Variants in CCHCR1 observed in about 807,000 individuals in gnomAD.
CCHCR1 encodes the protein HCR (a-helix coiled-coil rod homologue).
In CCHCR1, 91 loss-of-function variants were observed where a neutral mutation model predicts 114.6. The ratio of observed to expected loss-of-function variants is 0.79; its 90% CI spans 0.67 to 0.94. CCHCR1 has a LOEUF of 0.94. CCHCR1 is among the 40% of genes least tolerant of loss of function. The probability of loss-of-function intolerance (pLI) is 0.00; values close to 1 mark genes in which losing one functional copy is unlikely to be tolerated. For missense variants in CCHCR1, 899 were observed against 1,079.9 expected (o/e 0.83, Z 2.35); for synonymous variants, 379 against 428.5 (o/e 0.88, Z 1.43).
In CCHCR1 at chr6:31,144,790, T is replaced by G. The variant is rs1008075692; in HGVS notation, c.2066-2A>C. 6.2e-7 allele frequency: 1 copy of G among 1,613,694 alleles called. No individual in the cohort carries two copies. The highest frequency in any genetic ancestry group is 8.5e-7 in the Non-Finnish European group (1 of 1,179,808). ...CTTCAGCCACCTTTTCTTGCAGGGCTGGGGTGAAAGTGCAGACGGGGCATA... is the reference window on the plus strand; with the variant it reads ...CTTCAGCCACCTTTTCTTGCAGGGCGGGGGTGAAAGTGCAGACGGGGCATA... On this transcript the variant is annotated splice_acceptor_variant, in intron 14 of 17. Coordinates refer to ENST00000396268, the MANE Select transcript of CCHCR1 (RefSeq NM_001105564.2). LOFTEE classifies it high-confidence loss of function. The surrounding 1 kb of genome is among the most constrained non-coding windows in gnomAD (Gnocchi z 4.6).
Position 31,145,625 on chromosome 6 carries a change from C to T in CCHCR1, c.1693+71G>A, listed in dbSNP as rs562445737. On this transcript the variant is annotated intron_variant, in intron 11 of 17. Transcript: ENST00000396268. Reference sequence around the variant, plus strand: ...TGAATGGATGTGGGATCAGAGAGAGCTGGGTCAGGAAGAAGAAAGTCCGAG... The same window carrying T: ...TGAATGGATGTGGGATCAGAGAGAGTTGGGTCAGGAAGAAGAAAGTCCGAG... The T allele has an allele frequency of 1.7e-5, 24 of 1,445,452 alleles. No individual in the cohort carries two copies. The South Asian group carries it at 2.4e-4, about 14-fold the overall frequency. The allele number at this position is 1,445,452 out of a possible 1,614,324, so 89.5% of individuals were successfully genotyped here.
In CCHCR1 at chr6:31,145,168, T is replaced by C. The variant is rs1334770876; in HGVS notation, c.1874A>G (p.Gln625Arg). 2.5e-6 allele frequency: 4 copies of C among 1,612,314 alleles called. No homozygotes were observed. The African/African-American group carries it at 5.3e-5, about 22-fold the overall frequency. ...IQQEVGRARE[Q>R]GEAERQQLSK... The stretch of plus-strand genomic sequence containing the variant: ...CACCCCCTGGCAACCAGGTGTACCT[T>C]GCTCCCGAGCCCGGCCCACCTCCTG... Residue 625 changes from glutamine to arginine, a missense_variant and splice_region_variant, in exon 13 of 18, where the codon CAA becomes CGA. By Grantham distance (43) the Gln-to-Arg change is conservative (BLOSUM62 1). Coordinates refer to ENST00000396268, the MANE Select transcript of CCHCR1 (RefSeq NM_001105564.2).
rs1040556649 is a variant in CCHCR1, at chr6:31,143,546, T to A, written c.2168-133A>T. ...GAGGCTGTTCTGCTCTGTGGATCTG[T>A]CTCTTCTGTACAGTTGGAGGGGTGG... On this transcript the variant is annotated intron_variant, in intron 15 of 17. Transcript: ENST00000396268. The surrounding 1 kb of genome is among the most constrained non-coding windows in gnomAD (Gnocchi z 5.3). 1.1e-6 allele frequency: 1 copy of A among 916,560 alleles called. No homozygotes were observed. Among genetic ancestry groups the A allele is most frequent in the South Asian group, 1.7e-5 (1 of 59,296 alleles). 56.8% of individuals were successfully genotyped at this position (916,560 alleles called of 1,614,324 possible).
Position 31,145,032 on chromosome 6 carries a change from G to A in CCHCR1, c.1918C>T (p.Leu640=), listed in dbSNP as rs1774110700. The A allele has an allele frequency of 6.2e-7, 1 of 1,604,300 alleles. No individual in the cohort carries two copies. The highest frequency in any genetic ancestry group is 1.7e-5 in the Admixed American group (1 of 59,918). Residue 640 remains leucine, a synonymous_variant, in exon 14 of 18, where the codon CTG becomes TTG. Transcript: ENST00000396268. ...RQQLSKVAQQ[L]EQELQQTQES... is the part of the protein sequence containing the mutation. ...TGGGTCTGCTGCAGCTCCTGCTCCA[G>A]CTGCTGGGCCACCTTGCTCAGCTGC...
intron 8 of CCHCR1, among the ~76,000 whole-genome samples, chr6:31,149,830 AG>A (rs1266329158): frequency 2.0e-5 from 3 of 152,158 alleles, no homozygotes; most frequent in Non-Finnish European, 4.4e-5. Context: ...TATAGGTGTG[AG>A]CCACTGCACC....
intron 3 of CCHCR1, among the ~76,000 whole-genome samples, chr6:31,155,387 G>C (rs1054798454): frequency 6.6e-6 from 1 of 151,946 alleles, no homozygotes; most frequent in Non-Finnish European, 1.5e-5. Flanking sequence ...GGCGGATCAC[G>C]AGGTCAGGAG....
rs1198585479 is a variant in CCHCR1, at chr6:31,150,578, G to A, written c.1102-13C>T. The stretch of plus-strand genomic sequence containing the variant: ...CCTCCTGCAAGTGCTGCGGGCAGAG[G>A]AAAGCAGCCCCTCTGTAGGGCCTCC... On this transcript the variant is annotated splice_polypyrimidine_tract_variant and intron_variant, in intron 6 of 17. Coordinates refer to ENST00000396268, the MANE Select transcript of CCHCR1 (RefSeq NM_001105564.2). The surrounding 1 kb of genome is among the most constrained non-coding windows in gnomAD (Gnocchi z 5.3). The A allele has an allele frequency of 1.2e-6, 2 of 1,608,172 alleles. No individual in the cohort carries two copies. Among genetic ancestry groups the A allele is most frequent in the Non-Finnish European group, 1.7e-6 (2 of 1,177,716 alleles).
intron 17 of CCHCR1, 54 bp downstream of exon 17, chr6:31,142,909 A>G: frequency 6.4e-7 from 1 of 1,565,670 alleles, no homozygotes; most frequent in South Asian, 1.1e-5. Context: ...TCTGAAGAGG[A>G]GATTCCTGAA....
In CCHCR1 at chr6:31,144,682, C is replaced by A; in HGVS notation, c.2167+5G>T. ...GAAGGCCCTATCCACCCTGGCAAGG[C>A]TCACCGGCCTTGGCATGCTCCCTCC... On this transcript the variant is annotated splice_donor_5th_base_variant and intron_variant, in intron 15 of 17. Transcript: ENST00000396268. This position sits in a 1 kb window ranked among gnomAD's most constrained non-coding sequence, Gnocchi z 4.6. 6.3e-7 allele frequency: 1 copy of A among 1,595,776 alleles called. No homozygotes were observed. Among genetic ancestry groups the A allele is most frequent in the South Asian group, 1.1e-5 (1 of 89,968 alleles).
At chr6:31,157,973 T>G (rs925362623), upstream of CCHCR1, 1 of 306,078 alleles carries the variant, frequency 3.3e-6, no homozygotes, top group Non-Finnish European at 6.3e-6. Context: ...CCGGCTCTAC[T>G]CTCCCACCAC....
rs1773975241 is a variant in CCHCR1 at position 31,144,251 on chromosome 6, T to A, written c.2167+436A>T. Among the ~76,000 whole-genome samples, 1 of 152,180 alleles carries A rather than the reference T, an allele frequency of 6.6e-6. No homozygotes were observed. Among genetic ancestry groups the A allele is most frequent in the Admixed American group, 6.5e-5 (1 of 15,276 alleles). On this transcript the variant is annotated intron_variant, in intron 15 of 17. Transcript: ENST00000396268. The surrounding 1 kb of genome is among the most constrained non-coding windows in gnomAD (Gnocchi z 4.6). ...CTCTATCACCCAGGCTTGAGTGCAG[T>A]GGCACAATCTTGGCTCACTGCAGCC... is the stretch of plus-strand genomic sequence containing the variant.
chr6:31,157,090 C>T lies in CCHCR1; in HGVS notation c.217-1G>A. 6.2e-7 allele frequency: 1 copy of T among 1,609,638 alleles called. No homozygotes were observed. Among genetic ancestry groups the T allele is most frequent in the Non-Finnish European group, 8.5e-7 (1 of 1,177,698 alleles). ...TCTGTCTCCAGCCATCTATGTTCCCCTGGACAAGAGGAGAAACAAAGACAC... is the reference window on the plus strand; with the variant it reads ...TCTGTCTCCAGCCATCTATGTTCCCTTGGACAAGAGGAGAAACAAAGACAC... On this transcript the variant is annotated splice_acceptor_variant, in intron 1 of 17. Coordinates refer to ENST00000396268, the MANE Select transcript of CCHCR1 (RefSeq NM_001105564.2). LOFTEE classifies it high-confidence loss of function.
Position 31,144,341 on chromosome 6 carries a change from CCCA to C in CCHCR1, c.2167+343_2167+345del, listed in dbSNP as rs1357797235. Among the ~76,000 whole-genome samples, 1 of 152,056 alleles carries C rather than the reference CCCA, an allele frequency of 6.6e-6. No individual in the cohort carries two copies. Among genetic ancestry groups the C allele is most frequent in the Non-Finnish European group, 1.5e-5 (1 of 68,020 alleles). On this transcript the variant is annotated intron_variant, in intron 15 of 17. Transcript: ENST00000396268. The surrounding 1 kb of genome is among the most constrained non-coding windows in gnomAD (Gnocchi z 4.6). ...CACAAGTAAGCTTGGGGTACAGGTGCCCACCACCAGGCCTAGCTAATTTTTGTA... is the reference window on the plus strand; with the variant it reads ...CACAAGTAAGCTTGGGGTACAGGTGCCCACCAGGCCTAGCTAATTTTTGTA...
chr6:31,147,417 A>AT (rs1774508768), intron 10 of CCHCR1, among the ~76,000 whole-genome samples: 1 of 135,944 alleles, frequency 7.4e-6, no homozygotes, highest in African/African-American at 2.7e-5. Context: ...AAAAAAAAAA[A>AT]AAAAAGAACT....
Position 31,143,369 on chromosome 6 carries a change from C to A in CCHCR1, c.2212G>T (p.Glu738Ter), listed in dbSNP as rs1773832337. The A allele has an allele frequency of 6.2e-7, 1 of 1,612,872 alleles. No homozygotes were observed. The change falls in exon 16 of 18, where the codon GAG (glutamate) becomes TAG (stop). Residue 738 changes from glutamate (E) to a stop codon, truncating the protein, a stop_gained. Transcript: ENST00000396268. LOFTEE classifies it high-confidence loss of function. The surrounding 1 kb of genome is among the most constrained non-coding windows in gnomAD (Gnocchi z 5.3). ...AGACGCCTGAGTTCCTGGCTCCGCT[C>A]CTTTTCCTGGGCGGCTCTGCGCTGA... ...QIQRRAAQEKERSQELRRLQE... is the reference protein window; with the variant it reads ...QIQRRAAQEK
At chr6:31,145,393 G>T in intron 12 of CCHCR1, 55 bp downstream of exon 12, 2 of 1,612,576 alleles carry the variant, frequency 1.2e-6, no homozygotes, top group Non-Finnish European at 1.7e-6. Context: ...GGTTTTGGGG[G>T]TCCCAGCAGC....
rs767959194 is a variant in CCHCR1 at position 31,145,735 on chromosome 6, G to A, written c.1654C>T (p.Arg552Ter). 1.5e-5 allele frequency: 24 copies of A among 1,613,504 alleles called. No homozygotes were observed. Among genetic ancestry groups the A allele is most frequent in the East Asian group, 6.7e-5 (3 of 44,880 alleles). ...AAAQLPSLNN[R>*]LSYAVRKVHT... ...ACCTTGCGGACAGCATAGCTGAGTC[G>A]GTTGTTGAGGCTGGGAAGCTGGGCG... The change falls in exon 11 of 18, where the codon CGA (arginine) becomes TGA (stop). Residue 552 changes from arginine (R) to a stop codon, truncating the protein, a stop_gained. Coordinates refer to ENST00000396268, the MANE Select transcript of CCHCR1 (RefSeq NM_001105564.2). LOFTEE classifies it high-confidence loss of function.
chr6:31,147,936 C>A (rs1205824426), intron 10 of CCHCR1, among the ~76,000 whole-genome samples: 1 of 152,102 alleles, frequency 6.6e-6, no homozygotes, highest in Non-Finnish European at 1.5e-5. Context: ...CAAGATTGCG[C>A]CATTGCACTC....
In CCHCR1 at chr6:31,151,734, ACTAT is replaced by A. The variant is rs1271519099; in HGVS notation, c.802-616_802-613del. Among the ~76,000 whole-genome samples, 6 of 152,164 alleles carry A rather than the reference ACTAT, an allele frequency of 3.9e-5. No homozygotes were observed. Among genetic ancestry groups the A allele is most frequent in the Non-Finnish European group, 7.3e-5 (5 of 68,044 alleles). On this transcript the variant is annotated intron_variant, in intron 4 of 17. Coordinates refer to ENST00000396268, the MANE Select transcript of CCHCR1 (RefSeq NM_001105564.2). This position sits in a 1 kb window ranked among gnomAD's most constrained non-coding sequence, Gnocchi z 4.1. ...CATATCTTGCTTATGTGTATGTGTT[ACTAT>A]CTGTCGGACCACACTGGAAGGAAAG...
Sources: allele counts gnomAD v4.1 joint callset (sites outside exome capture counted in the v4.1 genomes callset), GRCh38; gene constraint gnomAD v4.1.1; non-coding constraint Gnocchi (gnomAD v3.1); transcripts MANE v1.5; gene names NCBI Gene and HGNC (gene_info 2026-07-23, HGNC 2026-07-21).